The following VASN variants were observed in gnomAD, a reference collection of about 807,000 sequenced individuals.
VASN encodes the protein vasorin, also known as protein slit-like 2.
VASN carries 5 observed loss-of-function variants against 4.8 expected under a neutral mutation model. That is an observed-to-expected ratio of 1.03 (90% confidence interval 0.54 to 2.17). The LOEUF (loss-of-function observed/expected upper bound fraction) is 2.17. Ranked by LOEUF, VASN falls within the 30% of genes most tolerant of loss-of-function variation. The pLI is 0.01. For synonymous variants in VASN, 499 were observed against 460.8 expected (o/e 1.08, Z -1.06); for missense variants, 927 against 948.8 (o/e 0.98, Z 0.30).
Position 4,381,008 on chromosome 16 carries a change from C to A in VASN, c.131C>A (p.Thr44Asn). The change falls in exon 2 of 2, where the codon ACC (threonine) becomes AAC (asparagine). Residue 44 changes from threonine to asparagine, a missense_variant. Physicochemically the swap from Thr to Asn is moderately conservative, Grantham distance 65. Transcript: ENST00000304735. ...QTVFCTARQG[T>N]TVPRDVPPDT... ...GTCTTCTGCACTGCCCGCCAGGGGA[C>A]CACGGTGCCCCGAGACGTGCCACCC... The A allele has an allele frequency of 6.2e-7, 1 of 1,608,920 alleles. No individual in the cohort carries two copies. The highest frequency in any genetic ancestry group is 1.7e-5 in the Admixed American group (1 of 59,634).
In VASN at chr16:4,382,015, C is replaced by T. The variant is rs761667074; in HGVS notation, c.1138C>T (p.Leu380Phe). ...ALSSSLAPTW[L>F]SPTEPATEAP... ...GTCTTCTAGCTTGGCTCCTACCTGG[C>T]TTAGCCCCACAGAGCCGGCCACTGA... Residue 380 changes from leucine (L) to phenylalanine (F), a missense_variant, in exon 2 of 2, where the codon CTT becomes TTT. Coordinates refer to ENST00000304735, the MANE Select transcript of VASN (RefSeq NM_138440.3). The T allele has an allele frequency of 1.9e-6, 3 of 1,604,566 alleles. No homozygotes were observed. The South Asian group carries it at 3.3e-5, about 18-fold the overall frequency.
rs894630608 is a variant in VASN, at chr16:4,381,595, G to A, written c.718G>A (p.Gly240Ser). 1.2e-6 allele frequency: 2 copies of A among 1,600,950 alleles called. No individual in the cohort carries two copies. The highest frequency in any genetic ancestry group is 1.7e-6 in the Non-Finnish European group (2 of 1,174,398). ...RVPPVIRGLR[G>S]LTRLRLAGNT... ...GCCACCTGTGATCCGAGGCCTCCGGGGCCTGACGCGCCTGCGGCTGGCCGG... is the reference window on the plus strand; with the variant it reads ...GCCACCTGTGATCCGAGGCCTCCGGAGCCTGACGCGCCTGCGGCTGGCCGG... Residue 240 changes from glycine to serine, a missense_variant, in exon 2 of 2, where the codon GGC becomes AGC. Gly to Ser is a moderately conservative substitution (Grantham distance 56). Transcript: ENST00000304735.
At position 4,375,045 on chromosome 16, in the gene VASN, G is replaced by A. The variant is rs564863680; in HGVS notation, c.-10+3052G>A. Among the ~76,000 whole-genome samples, 5 of 152,222 alleles carry A rather than the reference G, an allele frequency of 3.3e-5. No individual in the cohort carries two copies. The East Asian group carries it at 9.7e-4, about 29-fold the overall frequency. ...TCTGGACTGGCCCATTTCTAGTTGG[G>A]CTGCAGCCACTGCACAGCTCCCAGG... is the stretch of plus-strand genomic sequence containing the variant. On this transcript the variant is annotated intron_variant, in intron 1 of 1. Transcript: ENST00000304735.
rs2055076674 is a variant in VASN at position 4,383,424 on chromosome 16, CTGGGAAGATGTTTT to C, written c.*527_*540del. The C allele has an allele frequency of 6.0e-6, 1 of 167,244 alleles. No individual in the cohort carries two copies. Among genetic ancestry groups the C allele is most frequent in the African/African-American group, 2.4e-5 (1 of 41,438 alleles). 10.4% of individuals were successfully genotyped at this position (167,244 alleles called of 1,614,324 possible). A position where few individuals can be genotyped will look rare whatever the true frequency, so the allele number is the denominator to read the frequency against. On this transcript the variant is annotated 3_prime_UTR_variant, in exon 2 of 2. Coordinates refer to ENST00000304735, the MANE Select transcript of VASN (RefSeq NM_138440.3). The stretch of plus-strand genomic sequence containing the variant: ...TATAAGAGATCCTTTCCCATTTATT[CTGGGAAGATGTTTT>C]TCAAACTCAGAGACAAGGACTTTGG...
intron 1 of VASN, 91 bp from the exon 2 acceptor site, chr16:4,380,778 A>G (rs1393710672): frequency 1.5e-6 from 2 of 1,327,120 alleles, no homozygotes; most frequent in Non-Finnish European, 1.0e-6. Context: ...TGGGGGCAGA[A>G]GCAGTGAATT....
chr16:4,380,282 C>T (rs1383457201), intron 1 of VASN, among the ~76,000 whole-genome samples: 1 of 152,334 alleles, frequency 6.6e-6, no homozygotes, highest in Non-Finnish European at 1.5e-5. Context: ...CGGCCACTTC[C>T]TGGCGGCCCG....
At position 4,380,982 on chromosome 16, in the gene VASN, A is replaced by T. The variant is rs1379383090; in HGVS notation, c.105A>T (p.Thr35=). 6.2e-7 allele frequency: 1 copy of T among 1,607,950 alleles called. No homozygotes were observed. The highest frequency in any genetic ancestry group is 8.5e-7 in the Non-Finnish European group (1 of 1,178,898). Residue 35 remains threonine, a synonymous_variant, in exon 2 of 2, where the codon ACA becomes ACT. Transcript: ENST00000304735. ...GCTGCCAGTGCAGCCAGCCACAGACAGTCTTCTGCACTGCCCGCCAGGGGA... is the reference window on the plus strand; with the variant it reads ...GCTGCCAGTGCAGCCAGCCACAGACTGTCTTCTGCACTGCCCGCCAGGGGA... ...PSGCQCSQPQ[T]VFCTARQGTT...
chr16:4,377,736 T>C (rs528727592), intron 1 of VASN, among the ~76,000 whole-genome samples: 72 of 152,284 alleles, frequency 4.7e-4, no homozygotes, highest in Admixed American at 9.8e-4. Flanking sequence ...TTACAAACTC[T>C]GGGGTTTTCC....
At chr16:4,375,139 G>T (rs2054674327) in intron 1 of VASN, among the ~76,000 whole-genome samples, 1 of 152,220 alleles carries the variant, frequency 6.6e-6, no homozygotes, top group Non-Finnish European at 1.5e-5. Flanking sequence ...CGCCCCAGGG[G>T]CTCACTTGAG....
In VASN at chr16:4,381,733, C is replaced by T. The variant is rs1480573278; in HGVS notation, c.856C>T (p.Leu286Phe). 2 of 1,605,548 alleles carry T rather than the reference C, an allele frequency of 1.2e-6. No homozygotes were observed. Among genetic ancestry groups the T allele is most frequent in the African/African-American group, 2.7e-5 (2 of 74,904 alleles). Residue 286 changes from leucine to phenylalanine, a missense_variant, in exon 2 of 2, where the codon CTC becomes TTC. Leu to Phe is a conservative substitution (Grantham distance 22). Coordinates refer to ENST00000304735, the MANE Select transcript of VASN (RefSeq NM_138440.3). ...LQALPGDLSG[L>F]FPRLRLLAAA... Reference sequence around the variant, plus strand: ...GGCCCTGCCTGGCGACCTCTCGGGCCTCTTCCCCCGCCTGCGGCTGCTGGC... The same window carrying T: ...GGCCCTGCCTGGCGACCTCTCGGGCTTCTTCCCCCGCCTGCGGCTGCTGGC...
intron 1 of VASN, among the ~76,000 whole-genome samples, chr16:4,372,604 AGGGAAG>A (rs1054906599): frequency 3.9e-5 from 6 of 152,122 alleles, no homozygotes; most frequent in Non-Finnish European, 5.9e-5. Context: ...TGCCTCTGCC[AGGGAAG>A]GGGCTTTGCT....
Position 4,382,006 on chromosome 16 carries a change from C to T in VASN, c.1129C>T (p.Pro377Ser). The change falls in exon 2 of 2, where the codon CCT (proline) becomes TCT (serine). Residue 377 changes from proline (P) to serine (S), a missense_variant. Physicochemically the swap from Pro to Ser is moderately conservative, Grantham distance 74. Coordinates refer to ENST00000304735, the MANE Select transcript of VASN (RefSeq NM_138440.3). ...EPTALSSSLAPTWLSPTEPAT... is the reference protein window; with the variant it reads ...EPTALSSSLASTWLSPTEPAT... ...CACAGCCTTGTCTTCTAGCTTGGCT[C>T]CTACCTGGCTTAGCCCCACAGAGCC... 1.9e-6 allele frequency: 3 copies of T among 1,605,778 alleles called. No homozygotes were observed. Among genetic ancestry groups the T allele is most frequent in the South Asian group, 1.1e-5 (1 of 90,240 alleles).
chr16:4,372,897 T>A (rs1283733557), intron 1 of VASN, among the ~76,000 whole-genome samples: 1 of 152,060 alleles, frequency 6.6e-6, no homozygotes, highest in African/African-American at 2.4e-5. Flanking sequence ...CAAGGACAGG[T>A]GAGGCTCTGG....
chr16:4,382,411 C>A lies in VASN; in HGVS notation c.1534C>A (p.Arg512=). 1 of 1,611,658 alleles carries A rather than the reference C, an allele frequency of 6.2e-7. No homozygotes were observed. The highest frequency in any genetic ancestry group is 1.1e-5 in the South Asian group (1 of 90,908). ...CCCTGATAAGCGGCTGGTGACGCTGCGACTGCCTGCCTCGCTCGCTGAGTA... is the reference window on the plus strand; with the variant it reads ...CCCTGATAAGCGGCTGGTGACGCTGAGACTGCCTGCCTCGCTCGCTGAGTA... ...SGPDKRLVTL[R]LPASLAEYTV... is the part of the protein sequence containing the mutation. The change falls in exon 2 of 2, where the codon CGA becomes AGA. Residue 512 remains arginine, a synonymous_variant. Transcript: ENST00000304735.
At chr16:4,373,145 G>A (rs1479696764) in intron 1 of VASN, among the ~76,000 whole-genome samples, 1 of 152,152 alleles carries the variant, frequency 6.6e-6, no homozygotes, top group African/African-American at 2.4e-5. Flanking sequence ...GCAGGCGGGT[G>A]GGGGATGGGG....
chr16:4,382,089 C>T lies in VASN; in HGVS notation c.1212C>T (p.Pro404=). Residue 404 remains proline (P), a synonymous_variant, in exon 2 of 2, where the codon CCC becomes CCT. Coordinates refer to ENST00000304735, the MANE Select transcript of VASN (RefSeq NM_138440.3). ...CCCCACCGACTGTAGGGCCTGTCCC[C>T]CAGCCCCAGGACTGCCCACCGTCCA... is the stretch of plus-strand genomic sequence containing the variant. ...STAPPTVGPV[P]QPQDCPPSTC... 1 of 1,585,272 alleles carries T rather than the reference C, an allele frequency of 6.3e-7. No homozygotes were observed. Among genetic ancestry groups the T allele is most frequent in the Middle Eastern group, 1.7e-4 (1 of 6,018 alleles).
At chr16:4,378,915 G>A (rs747326808) in intron 1 of VASN, among the ~76,000 whole-genome samples, 2 of 152,034 alleles carry the variant, frequency 1.3e-5, no homozygotes, top group Admixed American at 6.5e-5. Flanking sequence ...TAGGGGAGAC[G>A]ACTCTGGCAG....
At chr16:4,377,492 C>G (rs2054783794) in intron 1 of VASN, among the ~76,000 whole-genome samples, 1 of 152,176 alleles carries the variant, frequency 6.6e-6, no homozygotes, top group Non-Finnish European at 1.5e-5. Context: ...CATTTGAAAA[C>G]AAACAGAACA....
intron 1 of VASN, among the ~76,000 whole-genome samples, chr16:4,372,470 G>A (rs1212971614): frequency 1.3e-5 from 2 of 152,202 alleles, no homozygotes; most frequent in Admixed American, 6.5e-5. Context: ...CTACAGATAT[G>A]CAGCCCTAGG....
Sources: allele counts gnomAD v4.1 joint callset (sites outside exome capture counted in the v4.1 genomes callset), GRCh38; gene constraint gnomAD v4.1.1; transcripts MANE v1.5; gene names NCBI Gene and HGNC (gene_info 2026-07-23, HGNC 2026-07-21).